The following PRPF39 variants were observed in gnomAD, a reference collection of about 807,000 sequenced individuals.
PRPF39 encodes the protein pre-mRNA-processing factor 39.
Under a neutral mutation model 82.1 loss-of-function variants are expected in PRPF39, and 27 were observed. The ratio of observed to expected loss-of-function variants is 0.33; its 90% CI spans 0.24 to 0.45. PRPF39 has a LOEUF of 0.45. PRPF39 is among the 20% of genes least tolerant of loss of function. The pLI is 1.00. For synonymous variants in PRPF39, 261 were observed against 256.4 expected, an observed-to-expected ratio of 1.02 and a Z score of -0.17; for missense variants, 581 against 796.9, an observed-to-expected ratio of 0.73 and a Z score of 3.26.
At chr14:45,111,220 T>A (rs1884686871) in intron 10 of PRPF39, among the ~76,000 whole-genome samples, 1 of 152,244 alleles carries the variant, frequency 6.6e-6, no homozygotes, top group Non-Finnish European at 1.5e-5. Context: ...TTATATTTTT[T>A]ATATATCAAT....
intron 1 of PRPF39, among the ~76,000 whole-genome samples, chr14:45,090,299 C>T (rs1388790707): frequency 3.3e-5 from 5 of 152,218 alleles, no homozygotes; most frequent in African/African-American, 9.7e-5. Context: ...ATTAATCATA[C>T]ATTGAACTAG....
chr14:45,093,568 T>C (rs1011182103), intron 1 of PRPF39, among the ~76,000 whole-genome samples: 17 of 149,146 alleles, frequency 1.1e-4, no homozygotes, highest in Middle Eastern at 3.6e-3. Flanking sequence ...TCTTTTTTTT[T>C]TTTTGAGACG....
intron 4 of PRPF39, among the ~76,000 whole-genome samples, chr14:45,098,395 A>G (rs1471219538): frequency 6.6e-6 from 1 of 151,256 alleles, no homozygotes; most frequent in African/African-American, 2.4e-5. Flanking sequence ...GTGAGCCAAG[A>G]TCGATCGTGC....
At chr14:45,098,981 G>C (rs1312262555) in intron 4 of PRPF39, among the ~76,000 whole-genome samples, 1 of 152,208 alleles carries the variant, frequency 6.6e-6, no homozygotes, top group African/African-American at 2.4e-5. Flanking sequence ...TCTCCATAGA[G>C]CTTTGAAGGC....
chr14:45,098,785 A>G (rs1884281665), intron 4 of PRPF39, among the ~76,000 whole-genome samples: 1 of 152,142 alleles, frequency 6.6e-6, no homozygotes, highest in African/African-American at 2.4e-5. Context: ...TTTTCTTATC[A>G]TCATGGTTCT....
At chr14:45,091,956 T>C (rs1884042006) in intron 1 of PRPF39, among the ~76,000 whole-genome samples, 1 of 152,230 alleles carries the variant, frequency 6.6e-6, no homozygotes, top group Non-Finnish European at 1.5e-5. Context: ...TTGTTAGAGC[T>C]TGATGATGTC....
chr14:45,107,049 T>C (rs1355555891), intron 5 of PRPF39, among the ~76,000 whole-genome samples: 2 of 152,212 alleles, frequency 1.3e-5, no homozygotes, highest in Admixed American at 1.3e-4. Context: ...AATTTTACTG[T>C]AACTTTTATG....
At chr14:45,085,322 T>C (rs2084194548) in intron 1 of PRPF39, among the ~76,000 whole-genome samples, 1 of 152,184 alleles carries the variant, frequency 6.6e-6, no homozygotes. Context: ...AGTACTTAGA[T>C]TGTGAACTTT....
chr14:45,096,295 A>ATTTTTTTTT lies in PRPF39; in HGVS notation c.450+80_450+88dup. 3 of 1,288,698 alleles carry ATTTTTTTTT rather than the reference A, an allele frequency of 2.3e-6. No homozygotes were observed. The African/African-American group carries it at 5.7e-5, about 25-fold the overall frequency. 79.8% of individuals were successfully genotyped at this position (1,288,698 alleles called of 1,614,324 possible). ...TAAGCCAATTAATAACAAAACAAAG[A>ATTTTTTTTT]TTTTTTTTTTTTTTTTTTTTTGGCT... On this transcript the variant is annotated intron_variant, in intron 3 of 13. Transcript: ENST00000355765.
rs1299863782 is a variant in PRPF39, at chr14:45,097,008, A to G, written c.569+3A>G. The G allele has an allele frequency of 1.3e-6, 2 of 1,521,878 alleles. No individual in the cohort carries two copies. The highest frequency in any genetic ancestry group is 8.8e-7 in the Non-Finnish European group (1 of 1,139,532). 94.3% of individuals were successfully genotyped at this position (1,521,878 alleles called of 1,614,324 possible). On this transcript the variant is annotated splice_donor_region_variant and intron_variant, in intron 4 of 13. Transcript: ENST00000355765. The stretch of plus-strand genomic sequence containing the variant: ...GAGACAAACAATACAATAAGAGGGT[A>G]TGTGGAACATTGATACTGAAATGTT...
At chr14:45,108,941 A>G (rs1262444399) in intron 7 of PRPF39, among the ~76,000 whole-genome samples, 1 of 152,150 alleles carries the variant, frequency 6.6e-6, no homozygotes, top group Non-Finnish European at 1.5e-5. Context: ...TCACCCATTT[A>G]AAGTATACAG....
chr14:45,106,503 C>T (rs972948141), intron 5 of PRPF39, among the ~76,000 whole-genome samples: 1 of 152,100 alleles, frequency 6.6e-6, no homozygotes, highest in East Asian at 1.9e-4. Context: ...TTTTTGATTA[C>T]AATTTGTATG....
At chr14:45,109,485 TTTAAA>T (rs1208455575) in intron 7 of PRPF39, 126 bp from the exon 8 acceptor site, 46 of 775,668 alleles carry the variant, frequency 5.9e-5, no homozygotes, top group Non-Finnish European at 1.8e-6. Context: ...TTAAAAGTTT[TTTAAA>T]TTATGAAATA....
chr14:45,095,306 G>T lies in PRPF39; in HGVS notation c.67G>T (p.Val23Leu), dbSNP rs773134810. 1 of 1,613,398 alleles carries T rather than the reference G, an allele frequency of 6.2e-7. No individual in the cohort carries two copies. ...SNGSTGNSSE[V>L]VVEHPTDFST... ...TGGCAGCACAGGCAACAGTTCAGAG[G>T]TAGTGGTAGAACATCCTACTGATTT... is the stretch of plus-strand genomic sequence containing the variant. The change falls in exon 2 of 14, where the codon GTA becomes TTA. Residue 23 changes from valine to leucine, a missense_variant. Coordinates refer to ENST00000355765, the MANE Select transcript of PRPF39 (RefSeq NM_017922.4).
Position 45,112,389 on chromosome 14 carries a change from T to C in PRPF39, c.1644T>C (p.Asn548=). 3 of 1,581,060 alleles carry C rather than the reference T, an allele frequency of 1.9e-6. No individual in the cohort carries two copies. Among genetic ancestry groups the C allele is most frequent in the Non-Finnish European group, 1.7e-6 (2 of 1,170,686 alleles). The change falls in exon 11 of 14, where the codon AAT becomes AAC. Residue 548 remains asparagine, a synonymous_variant. Transcript: ENST00000355765. The stretch of plus-strand genomic sequence containing the variant: ...GTGACCTCAAACAAAATGAAGAAAA[T>C]ATCCTAAATTGTTTTGACAAAGCTG... ...YSGDLKQNEE[N]ILNCFDKAVH... is the part of the protein sequence containing the mutation.
intron 8 of PRPF39, 44 bp downstream of exon 8, chr14:45,109,824 T>G (rs1158600082): frequency 6.5e-7 from 1 of 1,542,914 alleles, no homozygotes; most frequent in East Asian, 2.3e-5. Context: ...ATTATAAACA[T>G]TGATCTAGTG....
chr14:45,110,411 G>T lies in PRPF39; in HGVS notation c.1304-138G>T. ...CATTGTAGCCCCGAAACAGCCATAGGCAGTGTGTAAATATGCATGGCTGTT... is the reference window on the plus strand; with the variant it reads ...CATTGTAGCCCCGAAACAGCCATAGTCAGTGTGTAAATATGCATGGCTGTT... On this transcript the variant is annotated intron_variant, in intron 9 of 13. Transcript: ENST00000355765. The surrounding 1 kb of genome is among the most constrained non-coding windows in gnomAD (Gnocchi z 4.0). 2 of 1,194,938 alleles carry T rather than the reference G, an allele frequency of 1.7e-6. No homozygotes were observed. The highest frequency in any genetic ancestry group is 2.3e-6 in the Non-Finnish European group (2 of 862,984). 74.0% of individuals were successfully genotyped at this position (1,194,938 alleles called of 1,614,324 possible).
chr14:45,102,534 T>C lies in PRPF39; in HGVS notation c.575T>C (p.Phe192Ser). ...PETNNTIRGT[F>S]EHAVLAAGTD... is the part of the protein sequence containing the mutation. Reference sequence around the variant, plus strand: ...AGAGTAATTTAATTTTTCAGAACTTTTGAGCATGCTGTTCTAGCTGCAGGA... The same window carrying C: ...AGAGTAATTTAATTTTTCAGAACTTCTGAGCATGCTGTTCTAGCTGCAGGA... Residue 192 changes from phenylalanine (F) to serine (S), a missense_variant, in exon 5 of 14, where the codon TTT (phenylalanine) becomes TCT (serine). Phe to Ser is a radical substitution (Grantham distance 155, BLOSUM62 -2). Coordinates refer to ENST00000355765, the MANE Select transcript of PRPF39 (RefSeq NM_017922.4). The C allele has an allele frequency of 6.3e-7, 1 of 1,588,664 alleles. No homozygotes were observed. The highest frequency in any genetic ancestry group is 8.5e-7 in the Non-Finnish European group (1 of 1,171,824).
chr14:45,098,992 A>G (rs1030856711), intron 4 of PRPF39, among the ~76,000 whole-genome samples: 1 of 152,180 alleles, frequency 6.6e-6, no homozygotes, highest in Non-Finnish European at 1.5e-5. Context: ...CTTTGAAGGC[A>G]TTATTTATTC....
Sources: allele counts gnomAD v4.1 joint callset (sites outside exome capture counted in the v4.1 genomes callset), GRCh38; gene constraint gnomAD v4.1.1; non-coding constraint Gnocchi (gnomAD v3.1); transcripts MANE v1.5; gene names NCBI Gene and HGNC (gene_info 2026-07-23, HGNC 2026-07-21).